ADAM32: variants seen among roughly 807,000 people sequenced by gnomAD.
ADAM32 encodes disintegrin and metalloproteinase domain-containing protein 32.
ADAM32 carries 89 observed loss-of-function variants against 114.9 expected under a neutral mutation model. The ratio of observed to expected loss-of-function variants is 0.77; its 90% CI spans 0.65 to 0.92. The LOEUF is 0.92. Ranked by LOEUF, ADAM32 falls within the 40% of genes least tolerant of loss-of-function variation. The pLI is 0.00. For synonymous variants in ADAM32, 285 were observed against 307.5 expected (o/e 0.93, Z 0.77); for missense variants, 870 against 932.8 (o/e 0.93, Z 0.88).
intron 2 of ADAM32, among the ~76,000 whole-genome samples, chr8:39,118,681 A>C (rs1411785277): frequency 2.8e-4 from 43 of 152,222 alleles, no homozygotes; most frequent in Admixed American, 2.8e-3. Context: ...GATTTAAAAA[A>C]AAGAAATATA....
chr8:39,208,878 C>T (rs543305324), intron 11 of ADAM32, among the ~76,000 whole-genome samples: 194 of 152,126 alleles, frequency 1.3e-3, no homozygotes, highest in Non-Finnish European at 2.2e-3. Context: ...AGTTTTATTT[C>T]GGTTGACTCT....
chr8:39,134,483 T>C (rs1802661924), intron 2 of ADAM32, among the ~76,000 whole-genome samples: 1 of 152,126 alleles, frequency 6.6e-6, no homozygotes, highest in African/African-American at 2.4e-5. Context: ...CTTATTTGCT[T>C]GTCTTTCCTT....
intron 10 of ADAM32, among the ~76,000 whole-genome samples, chr8:39,180,728 C>T (rs1419916604): frequency 1.3e-5 from 2 of 151,990 alleles, no homozygotes; most frequent in African/African-American, 2.4e-5. Context: ...TTTGTGAGTG[C>T]ACCAATTGAC....
intron 6 of ADAM32, among the ~76,000 whole-genome samples, chr8:39,160,539 CAAAAAAAAAAAAAAAA>C (rs71218314): frequency 1.1e-3 from 72 of 68,394 alleles, no homozygotes; most frequent in Non-Finnish European, 1.6e-3. Flanking sequence ...GACTCCATCT[CAAAAAAAAAAAAAAAA>C]AAAAAAAAAA....
intron 12 of ADAM32, among the ~76,000 whole-genome samples, chr8:39,212,906 T>C (rs1446065721): frequency 6.6e-6 from 1 of 152,164 alleles, no homozygotes; most frequent in Non-Finnish European, 1.5e-5. Context: ...CACTAGAATT[T>C]GTTATTATCC....
At chr8:39,241,378 C>T (rs1810542934) in intron 16 of ADAM32, among the ~76,000 whole-genome samples, 1 of 152,200 alleles carries the variant, frequency 6.6e-6, no homozygotes, top group South Asian at 2.1e-4. Flanking sequence ...TAGGCAGTGC[C>T]CCAGTAGGGA....
At chr8:39,147,596 A>G (rs955437605) in intron 4 of ADAM32, among the ~76,000 whole-genome samples, 3 of 151,912 alleles carry the variant, frequency 2.0e-5, no homozygotes, top group African/African-American at 7.3e-5. Context: ...CATAAATCCT[A>G]CTGACCCTGC....
At chr8:39,146,333 G>A (rs993870959) in intron 3 of ADAM32, among the ~76,000 whole-genome samples, 5 of 151,976 alleles carry the variant, frequency 3.3e-5, no homozygotes, top group African/African-American at 4.8e-5. Flanking sequence ...AGTAATATAT[G>A]TGCATAGTAA....
chr8:39,126,381 A>C (rs1279892371), intron 2 of ADAM32, among the ~76,000 whole-genome samples: 1 of 152,106 alleles, frequency 6.6e-6, no homozygotes, highest in African/African-American at 2.4e-5. Flanking sequence ...CTCCTTGAAG[A>C]GGTCCTTCAC....
chr8:39,199,567 CT>C (rs1439795802), intron 11 of ADAM32, among the ~76,000 whole-genome samples: 3 of 151,814 alleles, frequency 2.0e-5, no homozygotes, highest in African/African-American at 7.3e-5. Context: ...TGATATCTAT[CT>C]CTTTGTTAAA....
At chr8:39,223,314 A>G (rs1809113183) in intron 14 of ADAM32, 76 bp downstream of exon 14, 1 of 961,572 alleles carries the variant, frequency 1.0e-6, no homozygotes, top group African/African-American at 1.7e-5. Context: ...GTATATTTTC[A>G]TATATATAAA....
At chr8:39,137,498 G>C (rs182479253) in intron 3 of ADAM32, among the ~76,000 whole-genome samples, 1 of 152,250 alleles carries the variant, frequency 6.6e-6, no homozygotes, top group East Asian at 1.9e-4. Context: ...GGGCGCGGTG[G>C]CTTTCGTCTG....
At chr8:39,260,227 T>C (rs1343391233) in intron 19 of ADAM32, among the ~76,000 whole-genome samples, 1 of 152,140 alleles carries the variant, frequency 6.6e-6, no homozygotes. Context: ...TCTACTCCCT[T>C]AGCAAATGTC....
At chr8:39,170,307 A>G (rs10106195) in intron 10 of ADAM32, among the ~76,000 whole-genome samples, 37,447 of 152,044 alleles carry the variant, frequency 0.25, 4,995 homozygotes, top group Non-Finnish European at 0.29. Flanking sequence ...ATTTTTGCTT[A>G]CAGACATAAA....
chr8:39,268,798 C>T (rs1812527716), intron 19 of ADAM32, among the ~76,000 whole-genome samples: 2 of 152,072 alleles, frequency 1.3e-5, no homozygotes, highest in Non-Finnish European at 2.9e-5. Flanking sequence ...ATATTTTGTA[C>T]AAAAATTTTT....
intron 6 of ADAM32, among the ~76,000 whole-genome samples, chr8:39,152,741 A>G (rs1585409992): frequency 2.0e-5 from 3 of 150,600 alleles, no homozygotes; most frequent in South Asian, 2.1e-4. Context: ...AAAAAAAAAA[A>G]AAAAAAAAGA....
At chr8:39,268,782 A>C (rs1812526075) in intron 19 of ADAM32, among the ~76,000 whole-genome samples, 1 of 152,212 alleles carries the variant, frequency 6.6e-6, no homozygotes, top group Non-Finnish European at 1.5e-5. Context: ...GAAGTATGGA[A>C]ATAGTATATT....
chr8:39,245,502 CTTG>C lies in ADAM32; in HGVS notation c.1819-578_1819-576del, dbSNP rs1203022801. Among the ~76,000 whole-genome samples, 356 of 151,958 alleles carry C rather than the reference CTTG, an allele frequency of 2.3e-3. 2 individuals are homozygous for C. The highest frequency in any genetic ancestry group is 7.6e-3 in the African/African-American group (315 of 41,314). On this transcript the variant is annotated intron_variant, in intron 16 of 24. Coordinates refer to ENST00000379907, the MANE Select transcript of ADAM32 (RefSeq NM_145004.7). The stretch of plus-strand genomic sequence containing the variant: ...AGTTAAGGTTAAATGAAACTGCAGC[CTTG>C]TTCCAATCTGACTTGCATCCTTATA...
chr8:39,121,073 G>T (rs1840569241), intron 2 of ADAM32, among the ~76,000 whole-genome samples: 1 of 152,190 alleles, frequency 6.6e-6, no homozygotes, highest in African/African-American at 2.4e-5. Flanking sequence ...GAAGATTTGA[G>T]AAATTTTCAG....
Sources: gnomAD v4.1 joint callset for allele counts (sites outside exome capture counted in the v4.1 genomes callset) on GRCh38, gnomAD v4.1.1 for gene constraint, MANE v1.5 for transcripts, NCBI Gene and HGNC (gene_info 2026-07-23, HGNC 2026-07-21) for gene names.